The following NSUN3 variants were observed in gnomAD, a reference collection of about 807,000 sequenced individuals.
NSUN3 encodes tRNA (cytosine(34)-C(5))-methyltransferase, mitochondrial.
Under a neutral mutation model 36.8 loss-of-function variants are expected in NSUN3, and 24 were observed. The observed-to-expected ratio is 0.65, with a 90% confidence interval of 0.47 to 0.92. The LOEUF (loss-of-function observed/expected upper bound fraction) is 0.92. Ranked by LOEUF, NSUN3 falls within the 40% of genes least tolerant of loss-of-function variation. The pLI is 0.00. For synonymous variants in NSUN3, 146 were observed against 145.2 expected, an observed-to-expected ratio of 1.01 and a Z score of -0.04; for missense variants, 381 against 392.8, an observed-to-expected ratio of 0.97 and a Z score of 0.25.
intron 1 of NSUN3, 67 bp downstream of exon 1, chr3:94,063,205 CGA>C: frequency 6.6e-7 from 1 of 1,522,214 alleles, no homozygotes; most frequent in Non-Finnish European, 9.1e-7. Flanking sequence ...GCCGAGGTGG[CGA>C]GGGAGGGTGC....
chr3:94,102,051 C>G (rs2077367973), intron 5 of NSUN3, among the ~76,000 whole-genome samples: 1 of 151,942 alleles, frequency 6.6e-6, no homozygotes, highest in African/African-American at 2.4e-5. Flanking sequence ...TCTTTTCTCA[C>G]TACTTGACAA....
intron 2 of NSUN3, chr3:94,082,307 AC>A (rs2077272745): frequency 6.6e-6 from 1 of 152,230 alleles, no homozygotes; most frequent in Non-Finnish European, 1.5e-5. Flanking sequence ...TGCTAGAGCT[AC>A]GAATTTCAGG....
intron 5 of NSUN3, among the ~76,000 whole-genome samples, chr3:94,102,384 AT>A (rs2077369732): frequency 1.3e-5 from 2 of 152,224 alleles, no homozygotes; most frequent in South Asian, 4.1e-4. Context: ...AGAATGGAAG[AT>A]TTCCACCACT....
In NSUN3 at chr3:94,131,152, A is replaced by AAGTGATCCTCCCACTTCAGCCTCC. The variant is rs2077507344; in HGVS notation, c.*4663_*4686dup. On this transcript the variant is annotated 3_prime_UTR_variant, in exon 6 of 6. Coordinates refer to ENST00000314622, the MANE Select transcript of NSUN3 (RefSeq NM_022072.5). ...AGGCTGGTTTCAAACCCCTGGCCTC[A>AAGTGATCCTCCCACTTCAGCCTCC]AGTGATCCTCCCACTTCAGCCTCCC... is the stretch of plus-strand genomic sequence containing the variant. 6.6e-6 allele frequency among the ~76,000 whole-genome samples: 1 copy of AAGTGATCCTCCCACTTCAGCCTCC among 151,982 alleles called. No individual in the cohort carries two copies. The highest frequency in any genetic ancestry group is 1.5e-5 in the Non-Finnish European group (1 of 68,004).
chr3:94,093,015 A>C (rs1398755955), intron 3 of NSUN3, among the ~76,000 whole-genome samples: 3 of 151,854 alleles, frequency 2.0e-5, no homozygotes, highest in African/African-American at 7.3e-5. Flanking sequence ...ATGTGAGATA[A>C]ATAAGAGAAG....
intron 2 of NSUN3, among the ~76,000 whole-genome samples, chr3:94,078,446 A>T (rs1417921112): frequency 6.6e-6 from 1 of 152,164 alleles, no homozygotes; most frequent in Non-Finnish European, 1.5e-5. Context: ...GTAGATGTCT[A>T]TTAGGTCTGC....
chr3:94,113,867 T>C (rs2077428817), intron 5 of NSUN3, among the ~76,000 whole-genome samples: 1 of 152,226 alleles, frequency 6.6e-6, no homozygotes. Context: ...CTTTTGAGTT[T>C]CTACATTGAG....
At chr3:94,094,364 T>G in intron 4 of NSUN3, 70 bp downstream of exon 4, 1 of 1,445,106 alleles carries the variant, frequency 6.9e-7, no homozygotes, top group Admixed American at 2.1e-5. Context: ...TTTGTGGTTG[T>G]TATTTTCCAT....
intron 2 of NSUN3, chr3:94,076,366 A>C (rs1312193492): frequency 6.2e-6 from 5 of 812,870 alleles, no homozygotes. Context: ...CAGCAGTGTG[A>C]GCGTCAACTG....
At chr3:94,072,813 T>C (rs1213833297) in intron 2 of NSUN3, among the ~76,000 whole-genome samples, 1 of 152,110 alleles carries the variant, frequency 6.6e-6, no homozygotes, top group East Asian at 1.9e-4. Context: ...CTTTTTTTTT[T>C]ATTATTATAC....
Position 94,131,700 on chromosome 3 carries a change from G to T in NSUN3, c.*5210G>T, listed in dbSNP as rs1026560825. Among the ~76,000 whole-genome samples the T allele has an allele frequency of 3.3e-5, 5 of 152,196 alleles. No individual in the cohort carries two copies. The highest frequency in any genetic ancestry group is 1.2e-4 in the African/African-American group (5 of 41,450). ...AAGAGTAATTGATATTACTTTCTGTGACACTGAGTTACTTTCAAAATAGCT... is the reference window on the plus strand; with the variant it reads ...AAGAGTAATTGATATTACTTTCTGTTACACTGAGTTACTTTCAAAATAGCT... On this transcript the variant is annotated 3_prime_UTR_variant, in exon 6 of 6. Transcript: ENST00000314622.
chr3:94,069,689 TTTAAC>T lies in NSUN3; in HGVS notation c.122+5150_122+5154del, dbSNP rs778723870. Among the ~76,000 whole-genome samples the T allele has an allele frequency of 4.6e-5, 7 of 152,226 alleles. No homozygotes were observed. The East Asian group carries it at 7.7e-4, about 17-fold the overall frequency. On this transcript the variant is annotated intron_variant, in intron 2 of 5. Coordinates refer to ENST00000314622, the MANE Select transcript of NSUN3 (RefSeq NM_022072.5). Reference sequence around the variant, plus strand: ...GATACATTATACAGTTTTGCAAAATTTTAACTTAACTAGCTTTTAATTTTTTAATG... The same window carrying T: ...GATACATTATACAGTTTTGCAAAATTTTAACTAGCTTTTAATTTTTTAATG...
intron 3 of NSUN3, among the ~76,000 whole-genome samples, chr3:94,087,725 C>T (rs1042529844): frequency 3.9e-5 from 6 of 152,148 alleles, no homozygotes; most frequent in Non-Finnish European, 8.8e-5. Context: ...GGCTGGAGTG[C>T]AGTGGTGCGA....
Position 94,064,461 on chromosome 3 carries a change from C to T in NSUN3, c.37C>T (p.Leu13Phe). Residue 13 changes from leucine (L) to phenylalanine (F), a missense_variant, in exon 2 of 6, where the codon CTT becomes TTT. By Grantham distance (22) the Leu-to-Phe change is conservative. Transcript: ENST00000314622. ...TQLKAKSEGK[L>F]AKQICKVVLD... is the part of the protein sequence containing the mutation. Reference sequence around the variant, plus strand: ...GCTGAAAGCAAAATCAGAGGGGAAGCTTGCAAAACAGATTTGCAAAGTTGT... The same window carrying T: ...GCTGAAAGCAAAATCAGAGGGGAAGTTTGCAAAACAGATTTGCAAAGTTGT... The T allele has an allele frequency of 1.9e-6, 3 of 1,613,504 alleles. No homozygotes were observed. The highest frequency in any genetic ancestry group is 1.7e-6 in the Non-Finnish European group (2 of 1,179,542).
chr3:94,084,587 A>T (rs964131896), intron 3 of NSUN3, 137 bp downstream of exon 3: 1 of 601,730 alleles, frequency 1.7e-6, no homozygotes, highest in Admixed American at 3.4e-5. Context: ...TGCTATGGAG[A>T]AGAATGGAAA....
chr3:94,064,324 C>G, intron 1 of NSUN3, 113 bp from the exon 2 acceptor site: 2 of 659,436 alleles, frequency 3.0e-6, no homozygotes, highest in Non-Finnish European at 5.4e-6. Flanking sequence ...ATTTCAAGAA[C>G]TAGTAATTAT....
At chr3:94,077,190 CA>C in intron 2 of NSUN3, 1 of 691,704 alleles carries the variant, frequency 1.4e-6, no homozygotes, top group Non-Finnish European at 2.7e-6. Context: ...CCAGGCGAGC[CA>C]GGGGAATACT....
rs549366965 is a variant in NSUN3, at chr3:94,127,830, G to A, written c.*1340G>A. 1.1e-4 allele frequency: 17 copies of A among 152,146 alleles called. 1 individual carries two copies. The East Asian group carries it at 2.9e-3, about 26-fold the overall frequency. The allele number at this position is 152,146 out of a possible 1,614,324, so 9.4% of individuals were successfully genotyped here. ...TTTGTTTTGCAAGCATATGTAACCCGGTTTATATCATCAGGAAGTCTTAGG... is the reference window on the plus strand; with the variant it reads ...TTTGTTTTGCAAGCATATGTAACCCAGTTTATATCATCAGGAAGTCTTAGG... On this transcript the variant is annotated 3_prime_UTR_variant, in exon 6 of 6. Coordinates refer to ENST00000314622, the MANE Select transcript of NSUN3 (RefSeq NM_022072.5).
intron 2 of NSUN3, among the ~76,000 whole-genome samples, chr3:94,077,942 A>G (rs2077253578): frequency 6.6e-6 from 1 of 151,974 alleles, no homozygotes; most frequent in Non-Finnish European, 1.5e-5. Context: ...TATCACCTTC[A>G]GTTCTGCTCT....
Sources: allele counts gnomAD v4.1 joint callset (sites outside exome capture counted in the v4.1 genomes callset), GRCh38; gene constraint gnomAD v4.1.1; transcripts MANE v1.5; gene names NCBI Gene and HGNC (gene_info 2026-07-23, HGNC 2026-07-21).